Variants in AKAP9 observed in about 807,000 individuals in gnomAD.
AKAP9 encodes the protein A-kinase anchor protein 9.
Under a neutral mutation model 488.5 loss-of-function variants are expected in AKAP9, and 311 were observed. That is an observed-to-expected ratio of 0.64 (90% CI 0.58 to 0.70). The LOEUF (loss-of-function observed/expected upper bound fraction) is 0.70. Among genes scored for constraint, AKAP9 ranks in the 30% least tolerant of loss-of-function variants. The pLI, the probability that AKAP9 is intolerant of heterozygous loss-of-function variation, is 0.00. For missense variants in AKAP9, 4,215 were observed against 4,374.5 expected, an observed-to-expected ratio of 0.96 and a Z score of 1.03; for synonymous variants, 1,462 against 1,483.5, an observed-to-expected ratio of 0.99 and a Z score of 0.33.
At chr7:92,067,238 C>T in intron 26 of AKAP9, among the ~76,000 whole-genome samples, 1 of 152,172 alleles carries the variant, frequency 6.6e-6, no homozygotes, top group African/African-American at 2.4e-5. Flanking sequence ...GTATTTCTAT[C>T]TGTGACATTT....
At chr7:92,103,507 A>C (rs1392554383) in intron 46 of AKAP9, among the ~76,000 whole-genome samples, 2 of 151,268 alleles carry the variant, frequency 1.3e-5, no homozygotes, top group Non-Finnish European at 2.9e-5. Context: ...CATCCTGGCT[A>C]TGCTGAAACC....
intron 22 of AKAP9, chr7:92,057,772 A>G: frequency 4.5e-6 from 1 of 223,728 alleles, no homozygotes; most frequent in Middle Eastern, 1.4e-3. Context: ...CATCGCTGAT[A>G]TTAAAAGCAG....
chr7:92,105,003 G>T (rs1818297286), intron 46 of AKAP9, among the ~76,000 whole-genome samples: 1 of 152,106 alleles, frequency 6.6e-6, no homozygotes, highest in Non-Finnish European at 1.5e-5. Context: ...AGTTGTTATT[G>T]ACATACTTCA....
At chr7:92,087,093 C>A (rs1401440484) in intron 37 of AKAP9, among the ~76,000 whole-genome samples, 4 of 152,182 alleles carry the variant, frequency 2.6e-5, no homozygotes, top group Non-Finnish European at 4.4e-5. Context: ...CAGCTGGGGA[C>A]ACCCACATTG....
chr7:92,086,485 T>A, intron 37 of AKAP9, 69 bp downstream of exon 37: 1 of 1,282,360 alleles, frequency 7.8e-7, no homozygotes, highest in Non-Finnish European at 1.1e-6. Context: ...TTTAGAGTCT[T>A]AATTTAAGTA....
At chr7:92,105,276 C>A (rs1818337350) in intron 46 of AKAP9, among the ~76,000 whole-genome samples, 1 of 152,162 alleles carries the variant, frequency 6.6e-6, no homozygotes, top group African/African-American at 2.4e-5. Flanking sequence ...ATTCTTATTG[C>A]CAATTTAAGG....
At chr7:91,970,338 C>A in intron 1 of AKAP9, 1 of 308,308 alleles carries the variant, frequency 3.2e-6, no homozygotes, top group Non-Finnish European at 6.2e-6. Context: ...GGACTTCATC[C>A]TAGAGTTATG....
At chr7:91,997,124 G>A (rs1466723301) in intron 7 of AKAP9, among the ~76,000 whole-genome samples, 1 of 152,190 alleles carries the variant, frequency 6.6e-6, no homozygotes, top group Non-Finnish European at 1.5e-5. Flanking sequence ...AAAAATACAT[G>A]CTTTACCACT....
rs1330195957 is a variant in AKAP9, at chr7:92,023,016, A to G, written c.4148+7A>G. The G allele has an allele frequency of 1.2e-6, 2 of 1,610,216 alleles. No individual in the cohort carries two copies. On this transcript the variant is annotated splice_region_variant and intron_variant, in intron 14 of 49. Coordinates refer to ENST00000356239, the MANE Select transcript of AKAP9 (RefSeq NM_005751.5). The stretch of plus-strand genomic sequence containing the variant: ...AGTCCACGGTTCCGCCAAGGTATTC[A>G]TCTGCTTATAGCTTCATTCAACAGT...
At chr7:92,060,839 T>C (rs1012296779) in intron 22 of AKAP9, among the ~76,000 whole-genome samples, 1 of 152,156 alleles carries the variant, frequency 6.6e-6, no homozygotes, top group Non-Finnish European at 1.5e-5. Flanking sequence ...CAGCAGATAC[T>C]GTAGGAGTCA....
chr7:92,062,634 G>C (rs767793245), intron 24 of AKAP9, 148 bp downstream of exon 24: 13 of 687,604 alleles, frequency 1.9e-5, no homozygotes, highest in Non-Finnish European at 3.2e-5. Flanking sequence ...CTACCTTAGA[G>C]ATAAATGTCT....
At chr7:92,068,365 CAAAA>C (rs77237109) in intron 26 of AKAP9, among the ~76,000 whole-genome samples, 15 of 46,516 alleles carry the variant, frequency 3.2e-4, no homozygotes, top group African/African-American at 1.0e-3. Context: ...GACTCCGTCT[CAAAA>C]AAAAAAAAAA....
At chr7:91,984,404 T>G (rs1180719508) in intron 3 of AKAP9, among the ~76,000 whole-genome samples, 1 of 152,242 alleles carries the variant, frequency 6.6e-6, no homozygotes, top group Non-Finnish European at 1.5e-5. Flanking sequence ...CGCCATTTCT[T>G]GTTTTTGTCA....
At chr7:92,043,730 C>T (rs1355335153) in intron 20 of AKAP9, among the ~76,000 whole-genome samples, 4 of 151,976 alleles carry the variant, frequency 2.6e-5, no homozygotes, top group African/African-American at 9.7e-5. Context: ...AAAATAGAAC[C>T]GTCTCTTTCA....
chr7:91,998,296 TTGA>T (rs2130653916), intron 7 of AKAP9, among the ~76,000 whole-genome samples: 1 of 152,240 alleles, frequency 6.6e-6, no homozygotes, highest in Admixed American at 6.5e-5. Context: ...CACAACTGTG[TTGA>T]TGATCAAAAG....
intron 1 of AKAP9, among the ~76,000 whole-genome samples, chr7:91,955,074 A>G (rs1792788077): frequency 2.6e-5 from 4 of 152,172 alleles, no homozygotes. Flanking sequence ...TATAAGATGA[A>G]TCTCCTCGTG....
chr7:91,960,238 C>T (rs1374214402), intron 1 of AKAP9, among the ~76,000 whole-genome samples: 1 of 152,244 alleles, frequency 6.6e-6, no homozygotes, highest in Middle Eastern at 3.4e-3. Flanking sequence ...ACCATTCTCT[C>T]GAGTATATTT....
In AKAP9 at chr7:92,079,093, A is replaced by C; in HGVS notation, c.6960A>C (p.Lys2320Asn). 4 of 1,605,284 alleles carry C rather than the reference A, an allele frequency of 2.5e-6. No homozygotes were observed. The highest frequency in any genetic ancestry group is 3.4e-6 in the Non-Finnish European group (4 of 1,176,498). Residue 2320 changes from lysine (K) to asparagine (N), a missense_variant, in exon 31 of 50, where the codon AAA becomes AAC. Coordinates refer to ENST00000356239, the MANE Select transcript of AKAP9 (RefSeq NM_005751.5). ...TTAATTATTAGGTTATTGAAGAAAAAAATGAACTGATAAGGGATCTTGAAA... is the reference window on the plus strand; with the variant it reads ...TTAATTATTAGGTTATTGAAGAAAACAATGAACTGATAAGGGATCTTGAAA... ...ITTDNKVIEE[K>N]NELIRDLETQ...
chr7:91,942,031 C>T (rs1161280190), intron 1 of AKAP9, among the ~76,000 whole-genome samples: 1 of 152,098 alleles, frequency 6.6e-6, no homozygotes, highest in Non-Finnish European at 1.5e-5. Context: ...TAGCATATTT[C>T]TTTTAAAAAT....
Sources: allele counts gnomAD v4.1 joint callset (sites outside exome capture counted in the v4.1 genomes callset), GRCh38; gene constraint gnomAD v4.1.1; transcripts MANE v1.5; gene names NCBI Gene and HGNC (gene_info 2026-07-23, HGNC 2026-07-21).